Variants in SGCZ observed in about 807,000 individuals in gnomAD.
The protein encoded by SGCZ is zeta-sarcoglycan.
SGCZ carries 40 observed loss-of-function variants against 41.3 expected under a neutral mutation model. That is an observed-to-expected ratio of 0.97 (90% CI 0.75 to 1.26). The LOEUF is 1.26. SGCZ is among the 50% of genes most tolerant of loss of function. The probability of loss-of-function intolerance (pLI) is 0.00; values close to 1 mark genes in which losing one functional copy is unlikely to be tolerated. For synonymous variants in SGCZ, 206 were observed against 137.5 expected, an observed-to-expected ratio of 1.50 and a Z score of -3.49; for missense variants, 552 against 369.8, an observed-to-expected ratio of 1.49 and a Z score of -4.04.
chr8:14,973,412 A>C (rs1411003159), intron 1 of SGCZ, among the ~76,000 whole-genome samples: 1 of 152,258 alleles, frequency 6.6e-6, no homozygotes, highest in East Asian at 1.9e-4. Context: ...AAGTGGGCCC[A>C]TGCTTTTCTC....
chr8:14,368,489 T>C (rs1422327680), intron 2 of SGCZ, among the ~76,000 whole-genome samples: 2 of 152,092 alleles, frequency 1.3e-5, no homozygotes, highest in African/African-American at 4.8e-5. Context: ...GCTTAAGACC[T>C]TAGTCCTCCA....
intron 2 of SGCZ, among the ~76,000 whole-genome samples, chr8:14,525,707 G>A (rs1461867): frequency 0.81 from 123,831 of 152,034 alleles, 50,984 homozygotes; most frequent in African/African-American, 0.95. Flanking sequence ...CAAAGAAGAA[G>A]TATTGTCTTC....
At chr8:14,703,047 C>T (rs1180189132) in intron 1 of SGCZ, among the ~76,000 whole-genome samples, 3 of 151,878 alleles carry the variant, frequency 2.0e-5, no homozygotes, top group Non-Finnish European at 4.4e-5. Context: ...AGCAAGTTTC[C>T]ATTATTTTCC....
intron 2 of SGCZ, among the ~76,000 whole-genome samples, chr8:14,373,706 G>A (rs1271245842): frequency 6.6e-6 from 1 of 152,128 alleles, no homozygotes; most frequent in African/African-American, 2.4e-5. Context: ...GAATGCTGGG[G>A]GCAAAAGATA....
chr8:15,222,602 G>A (rs949088002), intron 1 of SGCZ, among the ~76,000 whole-genome samples: 2 of 152,130 alleles, frequency 1.3e-5, no homozygotes, highest in Non-Finnish European at 1.5e-5. Flanking sequence ...ATTTATTTTA[G>A]CACCTTCATT....
chr8:14,815,917 A>G (rs1199767400), intron 1 of SGCZ, among the ~76,000 whole-genome samples: 1 of 152,232 alleles, frequency 6.6e-6, no homozygotes, highest in Non-Finnish European at 1.5e-5. Context: ...TACCTAATTT[A>G]TTTGATGTTG....
chr8:14,509,964 T>A lies in SGCZ; in HGVS notation c.234+44768A>T, dbSNP rs542408462. Among the ~76,000 whole-genome samples the A allele has an allele frequency of 1.8e-4, 28 of 152,068 alleles. No homozygotes were observed. In the East Asian group the frequency reaches 4.7e-3, roughly 25 times the overall value. Reference sequence around the variant, plus strand: ...CCAATCACCTCCCTCCCTCAACAGGTGAGGACTATGGGTCCCTACCTCAAC... The same window carrying A: ...CCAATCACCTCCCTCCCTCAACAGGAGAGGACTATGGGTCCCTACCTCAAC... On this transcript the variant is annotated intron_variant, in intron 2 of 7. Coordinates refer to ENST00000382080, the MANE Select transcript of SGCZ (RefSeq NM_139167.4).
rs535519769 is a variant in SGCZ, at chr8:14,251,872, C to T, written c.337-14193G>A. 1.2e-3 allele frequency among the ~76,000 whole-genome samples: 187 copies of T among 151,916 alleles called. 1 individual carries two copies. The highest frequency in any genetic ancestry group is 1.7e-3 in the Non-Finnish European group (116 of 67,978). On this transcript the variant is annotated intron_variant, in intron 3 of 7. Transcript: ENST00000382080. Reference sequence around the variant, plus strand: ...CTGGGATTACAGGCGCTCACCACCACCTAATTTTTGTACTTTTAGTAGAGA... The same window carrying T: ...CTGGGATTACAGGCGCTCACCACCATCTAATTTTTGTACTTTTAGTAGAGA...
intron 1 of SGCZ, among the ~76,000 whole-genome samples, chr8:15,189,296 T>C (rs1004175046): frequency 3.3e-5 from 5 of 152,216 alleles, no homozygotes; most frequent in African/African-American, 1.2e-4. Context: ...CAATGACCTG[T>C]ATTTATTTAT....
At chr8:14,553,202 G>A (rs990715178) in intron 2 of SGCZ, among the ~76,000 whole-genome samples, 2 of 151,974 alleles carry the variant, frequency 1.3e-5, no homozygotes, top group Non-Finnish European at 2.9e-5. Flanking sequence ...AAATATGATG[G>A]CTAGAGTTGT....
chr8:14,994,003 C>A (rs1171564894), intron 1 of SGCZ, among the ~76,000 whole-genome samples: 1 of 152,188 alleles, frequency 6.6e-6, no homozygotes, highest in Non-Finnish European at 1.5e-5. Context: ...CGGCAGCAAT[C>A]CAGCTGAGAA....
chr8:15,115,622 T>C lies in SGCZ; in HGVS notation c.39+121963A>G, dbSNP rs1272037689. Among the ~76,000 whole-genome samples, 3 of 152,224 alleles carry C rather than the reference T, an allele frequency of 2.0e-5. No homozygotes were observed. In the East Asian group the frequency reaches 5.8e-4, roughly 29 times the overall value. On this transcript the variant is annotated intron_variant, in intron 1 of 7. Coordinates refer to ENST00000382080, the MANE Select transcript of SGCZ (RefSeq NM_139167.4). ...TCATCGGGGTTCTTAGAGAGATACA[T>C]GCAACGGTTATCACTAGGTGACAAG... is the stretch of plus-strand genomic sequence containing the variant.
chr8:14,778,582 G>A (rs1191918103), intron 1 of SGCZ, among the ~76,000 whole-genome samples: 1 of 152,052 alleles, frequency 6.6e-6, no homozygotes. Flanking sequence ...GTATGTGGAT[G>A]ACAAGAAACC....
At chr8:14,765,373 A>G (rs1298266349) in intron 1 of SGCZ, among the ~76,000 whole-genome samples, 1 of 152,246 alleles carries the variant, frequency 6.6e-6, no homozygotes, top group African/African-American at 2.4e-5. Context: ...AGTTATATAA[A>G]GTATTAATAT....
intron 4 of SGCZ, among the ~76,000 whole-genome samples, chr8:14,182,174 G>T (rs984423730): frequency 2.6e-5 from 4 of 152,112 alleles, no homozygotes; most frequent in African/African-American, 4.8e-5. Context: ...TTGGGGGAAA[G>T]AATGCAAAAT....
At chr8:14,285,412 A>C (rs941895322) in intron 3 of SGCZ, among the ~76,000 whole-genome samples, 3 of 152,250 alleles carry the variant, frequency 2.0e-5, no homozygotes, top group South Asian at 2.1e-4. Context: ...TACGCTCAGC[A>C]TAACTCCTGA....
At chr8:14,959,726 T>C (rs949264960) in intron 1 of SGCZ, among the ~76,000 whole-genome samples, 3 of 152,174 alleles carry the variant, frequency 2.0e-5, no homozygotes, top group Admixed American at 6.5e-5. Context: ...AGATTCTCTG[T>C]AATCGTTCAC....
intron 2 of SGCZ, among the ~76,000 whole-genome samples, chr8:14,394,553 ATGG>A (rs1185855019): frequency 6.6e-6 from 1 of 152,146 alleles, no homozygotes; most frequent in East Asian, 1.9e-4. Flanking sequence ...TCCTGAGATC[ATGG>A]TTGGTTTTAC....
chr8:14,894,771 A>T (rs924876512), intron 1 of SGCZ, among the ~76,000 whole-genome samples: 2 of 152,174 alleles, frequency 1.3e-5, no homozygotes, highest in African/African-American at 4.8e-5. Flanking sequence ...TACAAAAAAA[A>T]GTGAATAAAT....
Sources: allele counts gnomAD v4.1 joint callset (sites outside exome capture counted in the v4.1 genomes callset), GRCh38; gene constraint gnomAD v4.1.1; transcripts MANE v1.5; gene names NCBI Gene and HGNC (gene_info 2026-07-23, HGNC 2026-07-21).